PTPRN2: variants seen among roughly 807,000 people sequenced by gnomAD.
PTPRN2 encodes the protein receptor-type tyrosine-protein phosphatase N2.
PTPRN2 carries 74 observed loss-of-function variants against 118.8 expected under a neutral mutation model. The ratio of observed to expected loss-of-function variants is 0.62; its 90% CI spans 0.52 to 0.76. The LOEUF (loss-of-function observed/expected upper bound fraction) is 0.76. Ranked by LOEUF, PTPRN2 falls within the 30% of genes least tolerant of loss-of-function variation. The probability of loss-of-function intolerance (pLI) is 0.00; values close to 1 mark genes in which losing one functional copy is unlikely to be tolerated. For synonymous variants in PTPRN2, 641 were observed against 608.0 expected (o/e 1.05, Z -0.80); for missense variants, 1,481 against 1,394.4 (o/e 1.06, Z -0.99).
intron 2 of PTPRN2, among the ~76,000 whole-genome samples, chr7:158,331,022 C>G (rs1586298479): frequency 7.0e-6 from 1 of 143,036 alleles, no homozygotes; most frequent in Non-Finnish European, 1.5e-5. Context: ...CACTCACATC[C>G]ACACTCTCAC....
chr7:158,176,794 C>T (rs1193580272), intron 5 of PTPRN2, among the ~76,000 whole-genome samples: 4 of 152,258 alleles, frequency 2.6e-5, no homozygotes, highest in African/African-American at 9.6e-5. Context: ...AGAACAATCA[C>T]ATGAGGGGGC....
At chr7:157,556,127 C>T (rs376484566) in intron 21 of PTPRN2, among the ~76,000 whole-genome samples, 238 of 152,284 alleles carry the variant, frequency 1.6e-3, no homozygotes, top group Non-Finnish European at 2.9e-3. Flanking sequence ...CTCTGGGTGC[C>T]CCACACGGTT....
intron 2 of PTPRN2, among the ~76,000 whole-genome samples, chr7:158,321,802 C>T (rs1414499872): frequency 6.6e-6 from 1 of 152,170 alleles, no homozygotes; most frequent in African/African-American, 2.4e-5. Context: ...TATATGTGTA[C>T]GTGTCAATCC....
intron 14 of PTPRN2, among the ~76,000 whole-genome samples, chr7:157,649,977 A>C (rs1805528841): frequency 1.3e-5 from 2 of 151,102 alleles, no homozygotes; most frequent in African/African-American, 2.4e-5. Context: ...TCCAGCGTGC[A>C]CTGAACTCGG....
At chr7:158,188,874 T>C (rs1337182977) in intron 5 of PTPRN2, among the ~76,000 whole-genome samples, 1 of 152,152 alleles carries the variant, frequency 6.6e-6, no homozygotes, top group Non-Finnish European at 1.5e-5. Context: ...CTTCAGTAAA[T>C]ACAACTGGTT....
At chr7:158,312,342 G>T (rs12534550) in intron 3 of PTPRN2, among the ~76,000 whole-genome samples, 57 of 97,290 alleles carry the variant, frequency 5.9e-4, no homozygotes, top group African/African-American at 2.1e-3. Context: ...ATGCACTCAC[G>T]TGCTCAGGTG....
chr7:158,393,210 C>T (rs566939131), intron 2 of PTPRN2, among the ~76,000 whole-genome samples: 19 of 152,316 alleles, frequency 1.2e-4, no homozygotes, highest in Non-Finnish European at 2.2e-4. Flanking sequence ...CCTCACCCCA[C>T]GGCGTCTTTA....
intron 5 of PTPRN2, among the ~76,000 whole-genome samples, chr7:158,190,744 G>A (rs1026967401): frequency 6.6e-6 from 1 of 152,280 alleles, no homozygotes; most frequent in African/African-American, 2.4e-5. Context: ...CCTCTCAACT[G>A]TGGCCTGTGG....
chr7:157,819,774 GCACA>G lies in PTPRN2; in HGVS notation c.1788+78895_1788+78898del, dbSNP rs1806689253. ...CCCGCCCACCCACTGCCAGCCATGG[GCACA>G]CACACAATATTTGTGTATTCATGAA... On this transcript the variant is annotated intron_variant, in intron 12 of 22. Transcript: ENST00000389418. 2.0e-5 allele frequency among the ~76,000 whole-genome samples: 3 copies of G among 151,910 alleles called. No homozygotes were observed. In the South Asian group the frequency reaches 6.2e-4, roughly 32 times the overall value.
chr7:158,487,297 G>C (rs1285185358), intron 2 of PTPRN2, among the ~76,000 whole-genome samples: 1 of 152,060 alleles, frequency 6.6e-6, no homozygotes. Flanking sequence ...CCCAGAAGTG[G>C]GGTTGCTGAG....
intron 12 of PTPRN2, among the ~76,000 whole-genome samples, chr7:157,737,854 C>T (rs970958988): frequency 1.4e-4 from 21 of 152,354 alleles, no homozygotes; most frequent in African/African-American, 4.6e-4. Context: ...ATACCACCCC[C>T]GATGCGGGGA....
intron 12 of PTPRN2, among the ~76,000 whole-genome samples, chr7:157,812,741 G>A (rs532860176): frequency 6.6e-6 from 1 of 152,230 alleles, no homozygotes; most frequent in East Asian, 1.9e-4. Context: ...TATAGCCAAG[G>A]AGGCCCGTGA....
chr7:157,687,682 C>T (rs569909129), intron 12 of PTPRN2, among the ~76,000 whole-genome samples: 4 of 152,192 alleles, frequency 2.6e-5, no homozygotes, highest in African/African-American at 9.6e-5. Flanking sequence ...CTGGATGAAT[C>T]CTCTTAGAAT....
At chr7:158,265,653 C>A (rs1797822698) in intron 3 of PTPRN2, among the ~76,000 whole-genome samples, 1 of 152,248 alleles carries the variant, frequency 6.6e-6, no homozygotes, top group Non-Finnish European at 1.5e-5. Flanking sequence ...AGTGCCTCAG[C>A]AGGAGGCCTG....
intron 11 of PTPRN2, among the ~76,000 whole-genome samples, chr7:157,982,393 T>G: frequency 1.6e-5 from 2 of 125,048 alleles, no homozygotes; most frequent in South Asian, 2.8e-4. Context: ...GAATGCAGAG[T>G]GCAGGGTCCC....
chr7:158,281,411 G>A (rs890776189), intron 3 of PTPRN2, among the ~76,000 whole-genome samples: 1 of 152,224 alleles, frequency 6.6e-6, no homozygotes, highest in Admixed American at 6.5e-5. Context: ...AGGAGTGCAT[G>A]CTTTGTGTGT....
intron 16 of PTPRN2, among the ~76,000 whole-genome samples, chr7:157,602,953 G>T (rs1454395820): frequency 6.6e-6 from 1 of 152,242 alleles, no homozygotes; most frequent in Non-Finnish European, 1.5e-5. Flanking sequence ...TTGATTAAAG[G>T]CAAATTTGGA....
chr7:158,545,844 C>A (rs1379638485), intron 1 of PTPRN2, among the ~76,000 whole-genome samples: 1 of 152,126 alleles, frequency 6.6e-6, no homozygotes, highest in East Asian at 1.9e-4. Context: ...ACTCAAAATA[C>A]AAAAATTAGC....
At chr7:157,748,238 T>C (rs1304818822) in intron 12 of PTPRN2, among the ~76,000 whole-genome samples, 2 of 149,354 alleles carry the variant, frequency 1.3e-5, no homozygotes, top group African/African-American at 5.0e-5. Context: ...CCTGCGTCCC[T>C]GAGGTAGGAG....
Sources: allele counts gnomAD v4.1 joint callset (sites outside exome capture counted in the v4.1 genomes callset), GRCh38; gene constraint gnomAD v4.1.1; transcripts MANE v1.5; gene names NCBI Gene and HGNC (gene_info 2026-07-23, HGNC 2026-07-21).